The following ABLIM2 variants were observed in gnomAD, a reference collection of about 807,000 sequenced individuals.
ABLIM2 encodes actin binding LIM protein family member 2.
In ABLIM2, 53 loss-of-function variants were observed where a neutral mutation model predicts 97.7. That is an observed-to-expected ratio of 0.54 (90% CI 0.44 to 0.68). ABLIM2 has a LOEUF of 0.68. Among genes scored for constraint, ABLIM2 ranks in the 30% least tolerant of loss-of-function variants. ABLIM2 has a pLI of 0.00. For missense variants in ABLIM2, 835 were observed against 867.2 expected (o/e 0.96, Z 0.47); for synonymous variants, 361 against 345.8 (o/e 1.04, Z -0.49).
intron 1 of ABLIM2, among the ~76,000 whole-genome samples, chr4:8,156,633 G>A (rs1032132331): frequency 4.6e-5 from 7 of 152,208 alleles, no homozygotes; most frequent in African/African-American, 7.2e-5. Flanking sequence ...CTAAGCCTTC[G>A]GCCCATTTGG....
intron 9 of ABLIM2, among the ~76,000 whole-genome samples, chr4:8,039,379 C>A (rs980796352): frequency 6.6e-6 from 1 of 152,200 alleles, no homozygotes. Context: ...AACCACCCAG[C>A]CCTGACAGCA....
rs1305899298 is a variant in ABLIM2, at chr4:8,054,130, C to T, written c.822+58G>A. 8 of 1,582,184 alleles carry T rather than the reference C, an allele frequency of 5.1e-6. No homozygotes were observed. The highest frequency in any genetic ancestry group is 6.1e-6 in the Non-Finnish European group (7 of 1,151,306). The stretch of plus-strand genomic sequence containing the variant: ...TCTGGTCAGTGTCCTCTTAACTGTA[C>T]AAAGATGGTGCAGGAGCAGTGAAGG... On this transcript the variant is annotated intron_variant, in intron 8 of 20. Transcript: ENST00000447017. This position sits in a 1 kb window ranked among gnomAD's most constrained non-coding sequence, Gnocchi z 4.9.
chr4:7,980,941 A>ATTTTATTTTTTTTTTTT lies in ABLIM2; in HGVS notation c.1824+2322_1824+2323insAAAAAAAAAAAATAAAA, dbSNP rs1737686842. Among the ~76,000 whole-genome samples, 3 of 82,990 alleles carry ATTTTATTTTTTTTTTTT rather than the reference A, an allele frequency of 3.6e-5. 1 individual carries two copies. The highest frequency in any genetic ancestry group is 6.2e-5 in the Non-Finnish European group (3 of 48,036). 54.4% of individuals were successfully genotyped at this position (82,990 alleles called of 152,430 possible). A position where few individuals can be genotyped will look rare whatever the true frequency, so the allele number is the denominator to read the frequency against. On this transcript the variant is annotated intron_variant, in intron 20 of 20. Transcript: ENST00000447017. ...AGAACCATGGTCTCCACAACCCCTT[A>ATTTTATTTTTTTTTTTT]TTTTTTTTTTTTTTTTTTTTGAGAT...
At chr4:8,049,037 C>T (rs1402045337) in intron 8 of ABLIM2, among the ~76,000 whole-genome samples, 6 of 152,214 alleles carry the variant, frequency 3.9e-5, no homozygotes, top group East Asian at 3.9e-4. Flanking sequence ...GGACCATCAG[C>T]CGCAGCTCCA....
At chr4:8,047,332 T>C (rs1212212580) in intron 8 of ABLIM2, among the ~76,000 whole-genome samples, 1 of 151,904 alleles carries the variant, frequency 6.6e-6, no homozygotes, top group Non-Finnish European at 1.5e-5. Flanking sequence ...TATCCTAAGC[T>C]TGGCAACTGC....
At chr4:8,053,891 C>T (rs551356886) in intron 8 of ABLIM2, among the ~76,000 whole-genome samples, 2 of 152,156 alleles carry the variant, frequency 1.3e-5, no homozygotes, top group African/African-American at 4.8e-5. Flanking sequence ...GCACCCTGCT[C>T]CTGGATTTCC....
chr4:7,980,941 A>ATCTTT lies in ABLIM2; in HGVS notation c.1824+2322_1824+2323insAAAGA, dbSNP rs1483414043. Among the ~76,000 whole-genome samples the ATCTTT allele has an allele frequency of 5.4e-3, 450 of 82,964 alleles. 39 individuals are homozygous for ATCTTT. Among genetic ancestry groups the ATCTTT allele is most frequent in the South Asian group, 6.8e-3 (17 of 2,514 alleles). 54.4% of individuals were successfully genotyped at this position (82,964 alleles called of 152,430 possible). On this transcript the variant is annotated intron_variant, in intron 20 of 20. Transcript: ENST00000447017. ...AGAACCATGGTCTCCACAACCCCTTATTTTTTTTTTTTTTTTTTTTGAGAT... is the reference window on the plus strand; with the variant it reads ...AGAACCATGGTCTCCACAACCCCTTATCTTTTTTTTTTTTTTTTTTTTTTTGAGAT...
chr4:8,020,154 T>C, intron 13 of ABLIM2, 48 bp downstream of exon 13: 1 of 1,557,204 alleles, frequency 6.4e-7, no homozygotes, highest in African/African-American at 1.4e-5. Flanking sequence ...AGTTTCGGTG[T>C]GGACAGTTTC....
At position 8,004,550 on chromosome 4, in the gene ABLIM2, C is replaced by G. The variant is rs1417651422; in HGVS notation, c.1618+3509G>C. Among the ~76,000 whole-genome samples the G allele has an allele frequency of 6.6e-6, 1 of 152,132 alleles. No homozygotes were observed. Among genetic ancestry groups the G allele is most frequent in the Non-Finnish European group, 1.5e-5 (1 of 68,036 alleles). ...CCCGGGGGTTTGTATTATGCTGACACGCCTCTGACCTTCGAGGGTGGGACG... is the reference window on the plus strand; with the variant it reads ...CCCGGGGGTTTGTATTATGCTGACAGGCCTCTGACCTTCGAGGGTGGGACG... On this transcript the variant is annotated intron_variant, in intron 16 of 20. Coordinates refer to ENST00000447017, the MANE Select transcript of ABLIM2 (RefSeq NM_001130083.2). This position sits in a 1 kb window ranked among gnomAD's most constrained non-coding sequence, Gnocchi z 5.9.
Position 8,127,369 on chromosome 4 carries a change from C to T in ABLIM2, c.11-20732G>A, listed in dbSNP as rs953634519. On this transcript the variant is annotated intron_variant, in intron 1 of 20. Coordinates refer to ENST00000447017, the MANE Select transcript of ABLIM2 (RefSeq NM_001130083.2). The surrounding 1 kb of genome is among the most constrained non-coding windows in gnomAD (Gnocchi z 7.3). ...CCCGAAGCCTGCACCCACTGGCGCT[C>T]GTGGTGCCGGCGCTCATGACCTTCA... 3.3e-5 allele frequency among the ~76,000 whole-genome samples: 5 copies of T among 152,156 alleles called. No homozygotes were observed. Among genetic ancestry groups the T allele is most frequent in the Admixed American group, 6.5e-5 (1 of 15,286 alleles).
At chr4:8,141,492 C>T (rs926381233) in intron 1 of ABLIM2, among the ~76,000 whole-genome samples, 1 of 152,322 alleles carries the variant, frequency 6.6e-6, no homozygotes. Flanking sequence ...TTGAATAATT[C>T]AACTTCCATA....
chr4:8,028,106 A>AG (rs1197936248), intron 11 of ABLIM2, among the ~76,000 whole-genome samples: 4 of 152,196 alleles, frequency 2.6e-5, no homozygotes, highest in Non-Finnish European at 5.9e-5. Context: ...GGGGTTCCCC[A>AG]GGGGGGGTTA....
At chr4:8,153,859 C>T (rs11728752) in intron 1 of ABLIM2, among the ~76,000 whole-genome samples, 39 of 152,140 alleles carry the variant, frequency 2.6e-4, no homozygotes, top group African/African-American at 8.2e-4. Context: ...AGATGGGCAC[C>T]GACGGCACTT....
chr4:8,028,104 C>G (rs1015319628), intron 11 of ABLIM2, among the ~76,000 whole-genome samples: 3 of 152,202 alleles, frequency 2.0e-5, no homozygotes, highest in Non-Finnish European at 2.9e-5. Flanking sequence ...CTGGGGTTCC[C>G]CAGGGGGGGT....
chr4:8,104,218 C>T (rs963758114), intron 2 of ABLIM2, among the ~76,000 whole-genome samples: 1 of 152,164 alleles, frequency 6.6e-6, no homozygotes, highest in Non-Finnish European at 1.5e-5. Flanking sequence ...GGATGGAGGC[C>T]GGCCACACTC....
intron 3 of ABLIM2, among the ~76,000 whole-genome samples, chr4:8,091,878 A>G (rs1828955857): frequency 1.1e-5 from 1 of 92,914 alleles, no homozygotes; most frequent in Non-Finnish European, 2.1e-5. Context: ...TACAATATAT[A>G]TTATAATATA....
At chr4:8,137,493 G>A (rs1007645787) in intron 1 of ABLIM2, among the ~76,000 whole-genome samples, 1 of 152,240 alleles carries the variant, frequency 6.6e-6, no homozygotes, top group East Asian at 1.9e-4. Context: ...GTCCCATGAG[G>A]GGAACCGCCT....
chr4:8,151,332 C>T (rs572089416), intron 1 of ABLIM2, among the ~76,000 whole-genome samples: 1 of 152,302 alleles, frequency 6.6e-6, no homozygotes, highest in African/African-American at 2.4e-5. Flanking sequence ...GCCCCAGAGC[C>T]AGCCCTGGCA....
intron 20 of ABLIM2, among the ~76,000 whole-genome samples, chr4:7,972,212 A>G (rs1427496756): frequency 3.9e-5 from 6 of 152,142 alleles, no homozygotes; most frequent in Non-Finnish European, 8.8e-5. Flanking sequence ...TAGCGGGGCA[A>G]TGACGTGGCT....
Sources: gnomAD v4.1 joint callset for allele counts (sites outside exome capture counted in the v4.1 genomes callset) on GRCh38, gnomAD v4.1.1 for gene constraint, Gnocchi (gnomAD v3.1) non-coding constraint, MANE v1.5 for transcripts, NCBI Gene and HGNC (gene_info 2026-07-23, HGNC 2026-07-21) for gene names.